The following HS6ST2 variants were observed in gnomAD, a reference collection of about 807,000 sequenced individuals.
HS6ST2 encodes heparan sulfate 6-O-sulfotransferase 2, also known as heparan-sulfate 6-O-sulfotransferase 2.
In HS6ST2, 17 loss-of-function variants were observed where a neutral mutation model predicts 33.0. That is an observed-to-expected ratio of 0.52 (90% CI 0.35 to 0.77). HS6ST2 has a LOEUF of 0.77. Among genes scored for constraint, HS6ST2 ranks in the 30% least tolerant of loss-of-function variants. The probability of loss-of-function intolerance (pLI) is 0.01; values close to 1 mark genes in which losing one functional copy is unlikely to be tolerated. For missense variants in HS6ST2, 519 were observed against 551.7 expected (o/e 0.94, Z 0.59); for synonymous variants, 248 against 237.1 (o/e 1.05, Z -0.42).
At chrX:132,693,486 AG>A (rs1226315433) in intron 3 of HS6ST2, among the ~76,000 whole-genome samples, 6 of 111,558 alleles carry the variant, frequency 5.4e-5, no homozygotes, top group Admixed American at 4.8e-4. Context: ...AGAGCCTGGA[AG>A]GGGGGCAAGA....
intron 2 of HS6ST2, among the ~76,000 whole-genome samples, chrX:132,849,397 C>T (rs1016934738): frequency 4.5e-5 from 5 of 111,645 alleles, no homozygotes; most frequent in Non-Finnish European, 9.4e-5. Flanking sequence ...AACACAATTA[C>T]CTTTTCAAAT....
chrX:132,720,772 A>G (rs1444972991), intron 2 of HS6ST2, among the ~76,000 whole-genome samples: 1 of 110,461 alleles, frequency 9.1e-6, no homozygotes, highest in African/African-American at 3.3e-5. Context: ...AAAGAGTAGG[A>G]CTAGCTATAC....
At chrX:132,682,689 G>A (rs1423798385) in intron 3 of HS6ST2, among the ~76,000 whole-genome samples, 1 of 105,566 alleles carries the variant, frequency 9.5e-6, no homozygotes, top group East Asian at 3.0e-4. Flanking sequence ...GACATTCTCA[G>A]CTTTGTCTGT....
At chrX:132,637,660 G>A (rs1330593680) in intron 4 of HS6ST2, among the ~76,000 whole-genome samples, 1 of 95,321 alleles carries the variant, frequency 1.0e-5, no homozygotes, top group Non-Finnish European at 2.0e-5. Context: ...GTTAATTTAA[G>A]AAAGGAAACA....
chrX:132,738,022 A>C (rs2064525483), intron 2 of HS6ST2, among the ~76,000 whole-genome samples: 2 of 112,750 alleles, frequency 1.8e-5, no homozygotes, highest in Admixed American at 1.9e-4. Context: ...GGTCTAGGCC[A>C]GAGCAGGTTT....
At chrX:132,769,732 C>T (rs1239358304) in intron 2 of HS6ST2, among the ~76,000 whole-genome samples, 1 of 112,343 alleles carries the variant, frequency 8.9e-6, no homozygotes, top group Non-Finnish European at 1.9e-5. Context: ...CCAGGTGCCT[C>T]AAATGAGGTA....
intron 2 of HS6ST2, among the ~76,000 whole-genome samples, chrX:132,732,194 T>G (rs1602621032): frequency 8.9e-6 from 1 of 112,011 alleles, no homozygotes; most frequent in East Asian, 2.8e-4. Context: ...AAGTAATTTG[T>G]TTGCACGTTC....
chrX:132,696,692 T>C (rs1326239543), intron 3 of HS6ST2, among the ~76,000 whole-genome samples: 1 of 111,850 alleles, frequency 8.9e-6, no homozygotes, highest in East Asian at 2.8e-4. Context: ...TTATAAATAT[T>C]TAGTAGACTC....
chrX:132,858,959 C>A (rs2065881674), intron 2 of HS6ST2, among the ~76,000 whole-genome samples: 1 of 112,337 alleles, frequency 8.9e-6, no homozygotes, highest in Non-Finnish European at 1.9e-5. Flanking sequence ...TTTCAGCTCC[C>A]ATTCATTTTC....
chrX:132,862,884 T>C (rs1169745085), intron 2 of HS6ST2, among the ~76,000 whole-genome samples: 1 of 111,445 alleles, frequency 9.0e-6, no homozygotes, highest in Non-Finnish European at 1.9e-5. Context: ...ACAAGGAAAA[T>C]GGAAAGGATC....
At chrX:132,960,496 G>A (rs933886896), upstream of HS6ST2, among the ~76,000 whole-genome samples, 2 of 110,777 alleles carry the variant, frequency 1.8e-5, no homozygotes, top group Non-Finnish European at 3.8e-5. Flanking sequence ...AGTTTCTACT[G>A]TAAGAGGGAT....
chrX:132,911,441 T>TA (rs2066533290), intron 2 of HS6ST2, among the ~76,000 whole-genome samples: 1 of 111,246 alleles, frequency 9.0e-6, no homozygotes, highest in Non-Finnish European at 1.9e-5. Context: ...GAATTACCTC[T>TA]AAAAAAAGGA....
In HS6ST2 at chrX:132,635,483, C is replaced by T. The variant is rs773982902; in HGVS notation, c.1068-6390G>A. Among the ~76,000 whole-genome samples the T allele has an allele frequency of 3.6e-5, 4 of 111,745 alleles. No homozygotes were observed. The South Asian group carries it at 1.1e-3, about 32-fold the overall frequency. On this transcript the variant is annotated intron_variant, in intron 4 of 4. Coordinates refer to ENST00000370833, the MANE Select transcript of HS6ST2 (RefSeq NM_001394073.1). ...ACTATGACATGAAGCCAAGCTCCTCCACATGCTACAGACAGCCTTGTGGAA... is the reference window on the plus strand; with the variant it reads ...ACTATGACATGAAGCCAAGCTCCTCTACATGCTACAGACAGCCTTGTGGAA...
chrX:132,931,657 C>T (rs1330883910), intron 2 of HS6ST2, among the ~76,000 whole-genome samples: 1 of 111,793 alleles, frequency 8.9e-6, no homozygotes, highest in Non-Finnish European at 1.9e-5. Flanking sequence ...AGCCATAAAA[C>T]AGAGAGTTCC....
chrX:132,727,238 G>A (rs1331265742), intron 2 of HS6ST2, among the ~76,000 whole-genome samples: 1 of 79,846 alleles, frequency 1.3e-5, no homozygotes, highest in African/African-American at 4.6e-5. Context: ...AGCATTATTG[G>A]GGGGGGGGGC....
At chrX:132,799,740 A>G (rs939622931) in intron 2 of HS6ST2, among the ~76,000 whole-genome samples, 1 of 110,966 alleles carries the variant, frequency 9.0e-6, no homozygotes. Context: ...TGTGAGCAGT[A>G]TGTATGTCAT....
intron 4 of HS6ST2, among the ~76,000 whole-genome samples, chrX:132,652,743 G>C (rs1428743120): frequency 9.1e-6 from 1 of 110,184 alleles, no homozygotes; most frequent in Non-Finnish European, 1.9e-5. Flanking sequence ...ATCTAGTAAG[G>C]CCAGGAGATT....
At position 132,958,352 on chromosome X, in the gene HS6ST2, GC is replaced by G. The variant is rs746188650; in HGVS notation, c.250del (p.Ala84ProfsTer43). The stretch of plus-strand genomic sequence containing the variant: ...CCGGGACAGCAGCGCGAAAAGCGGG[GC>G]GCACGCGGCTCCCGCCAGGGAAGAA... ...ASSSLAGAAC[A>X]PLFALLSRGR... On this transcript the variant is annotated frameshift_variant, in exon 1 of 5. Transcript: ENST00000370833. LOFTEE classifies it high-confidence loss of function. 1.7e-6 allele frequency: 2 copies of G among 1,198,837 alleles called. No homozygotes were observed. The highest frequency in any genetic ancestry group is 4.4e-5 in the Admixed American group (2 of 45,897).
intron 2 of HS6ST2, among the ~76,000 whole-genome samples, chrX:132,866,110 T>C (rs1047482596): frequency 3.6e-5 from 4 of 110,462 alleles, no homozygotes; most frequent in African/African-American, 9.9e-5. Context: ...TTTATGGTTT[T>C]AGGTCTAACG....
Sources: gnomAD v4.1 joint callset for allele counts (sites outside exome capture counted in the v4.1 genomes callset) on GRCh38, gnomAD v4.1.1 for gene constraint, MANE v1.5 for transcripts, NCBI Gene and HGNC (gene_info 2026-07-23, HGNC 2026-07-21) for gene names.